GLT1D1: variants seen among roughly 807,000 people sequenced by gnomAD.
The protein encoded by GLT1D1 is glycosyltransferase 1 domain containing 1.
Under a neutral mutation model 28.7 loss-of-function variants are expected in GLT1D1, and 21 were observed. The ratio of observed to expected loss-of-function variants is 0.73; its 90% CI spans 0.52 to 1.05. GLT1D1 has a LOEUF of 1.05. Ranked by LOEUF, GLT1D1 falls within the 50% of genes least tolerant of loss-of-function variation. The pLI is 0.00. For missense variants in GLT1D1, 343 were observed against 330.6 expected, an observed-to-expected ratio of 1.04 and a Z score of -0.29; for synonymous variants, 147 against 124.8, an observed-to-expected ratio of 1.18 and a Z score of -1.19.
intron 4 of GLT1D1, 77 bp downstream of exon 5, chr12:128,912,537 T>C: frequency 1.6e-6 from 1 of 615,104 alleles, no homozygotes; most frequent in South Asian, 2.7e-5. Context: ...CATATTTATA[T>C]GTGATAAATA....
At chr12:128,959,960 C>T (rs983233369) in intron 7 of GLT1D1, among the ~76,000 whole-genome samples, 5 of 152,158 alleles carry the variant, frequency 3.3e-5, no homozygotes, top group African/African-American at 7.2e-5. Flanking sequence ...ATCTATTAGG[C>T]TGAACAAAAG....
chr12:128,876,197 G>T lies in GLT1D1; in HGVS notation c.217+135G>T. On this transcript the variant is annotated intron_variant, in intron 2 of 7. Coordinates refer to ENST00000281703, the MANE Select transcript of GLT1D1 (RefSeq NM_144669.3). ...ATGGGAGACATGCAATAATCTCTTTGGTTTGCTTTCTTAATGCACAATTTT... is the reference window on the plus strand; with the variant it reads ...ATGGGAGACATGCAATAATCTCTTTTGTTTGCTTTCTTAATGCACAATTTT... 6.6e-6 allele frequency: 5 copies of T among 760,610 alleles called. No homozygotes were observed. In the South Asian group the frequency reaches 9.3e-5, roughly 14 times the overall value. The allele number at this position is 760,610 out of a possible 1,614,324, so 47.1% of individuals were successfully genotyped here.
At chr12:128,912,065 G>A (rs1191169944) in intron 4 of GLT1D1, among the ~76,000 whole-genome samples, 3 of 152,140 alleles carry the variant, frequency 2.0e-5, no homozygotes, top group Non-Finnish European at 2.9e-5. Flanking sequence ...CCACGCAGGG[G>A]CGGGAGCTGC....
At chr12:128,889,877 C>T (rs749907914) in intron 3 of GLT1D1, among the ~76,000 whole-genome samples, 7 of 152,212 alleles carry the variant, frequency 4.6e-5, no homozygotes, top group Non-Finnish European at 8.8e-5. Context: ...CGGGTTCAGG[C>T]GATTCTTGTG....
At chr12:128,947,661 A>G (rs1565905207) in intron 6 of GLT1D1, among the ~76,000 whole-genome samples, 2 of 152,136 alleles carry the variant, frequency 1.3e-5, no homozygotes, top group African/African-American at 4.8e-5. Flanking sequence ...TCTCATTGCT[A>G]TCTCTCCTAG....
chr12:128,853,669 G>A lies in GLT1D1; in HGVS notation c.68+20G>A. Reference sequence around the variant, plus strand: ...CGTTCGGTAGGTGCAGGGCGCCGGGGCCTACGAAGCCTGGGCCGGGGGCCG... The same window carrying A: ...CGTTCGGTAGGTGCAGGGCGCCGGGACCTACGAAGCCTGGGCCGGGGGCCG... On this transcript the variant is annotated intron_variant, in intron 1 of 7. Coordinates refer to ENST00000281703, the MANE Select transcript of GLT1D1 (RefSeq NM_144669.3). The A allele has an allele frequency of 2.7e-6, 3 of 1,093,000 alleles. No individual in the cohort carries two copies. The highest frequency in any genetic ancestry group is 3.8e-5 in the South Asian group (1 of 26,536). The allele number at this position is 1,093,000 out of a possible 1,614,324, so 67.7% of individuals were successfully genotyped here.
chr12:128,899,515 G>T (rs1052376995), intron 4 of GLT1D1, among the ~76,000 whole-genome samples: 2 of 150,254 alleles, frequency 1.3e-5, no homozygotes, highest in African/African-American at 4.9e-5. Context: ...GCCCAGTAAT[G>T]GTTGTATGTT....
chr12:128,921,523 A>T (rs772881069), intron 4 of GLT1D1, among the ~76,000 whole-genome samples: 3 of 151,694 alleles, frequency 2.0e-5, no homozygotes, highest in Non-Finnish European at 4.4e-5. Context: ...GTGTGTATTT[A>T]TATATCTCGT....
rs374628572 is a variant in GLT1D1, at chr12:128,983,025, T to C, written c.736T>C (p.Trp246Arg). Residue 246 changes from tryptophan (W) to arginine (R), a missense_variant, in exon 8 of 8, where the codon TGG (tryptophan) becomes CGG (arginine). Physicochemically the swap from Trp to Arg is moderately radical, Grantham distance 101. Transcript: ENST00000281703. The surrounding 1 kb of genome is among the most constrained non-coding windows in gnomAD (Gnocchi z 4.7). ...GGAATACGTGAGAATGTATCATTCATGGCAGGTGGAAAGAGACACCTACCA... is the reference window on the plus strand; with the variant it reads ...GGAATACGTGAGAATGTATCATTCACGGCAGGTGGAAAGAGACACCTACCA... 10 of 1,614,138 alleles carry C rather than the reference T, an allele frequency of 6.2e-6. No homozygotes were observed. Among genetic ancestry groups the C allele is most frequent in the Non-Finnish European group, 3.4e-6 (4 of 1,179,974 alleles).
At chr12:128,931,014 T>TAAAA (rs371650413) in intron 4 of GLT1D1, among the ~76,000 whole-genome samples, 1 of 147,364 alleles carries the variant, frequency 6.8e-6, no homozygotes, top group African/African-American at 2.5e-5. Flanking sequence ...TTTTTTTTTT[T>TAAAA]AAAATGAGAC....
At chr12:128,945,681 G>A (rs1875972441) in intron 5 of GLT1D1, among the ~76,000 whole-genome samples, 1 of 152,220 alleles carries the variant, frequency 6.6e-6, no homozygotes, top group Non-Finnish European at 1.5e-5. Flanking sequence ...AGGGCAATTT[G>A]TTGGTGTGTT....
chr12:128,881,551 AAAAAAAAAAAATATATATAT>A (rs1957050003), intron 2 of GLT1D1, among the ~76,000 whole-genome samples: 3 of 68,992 alleles, frequency 4.3e-5, no homozygotes, highest in East Asian at 4.3e-4. Flanking sequence ...AAAAAAAAAA[AAAAAAAAAAAATATATATAT>A]ATATATATAT....
At chr12:128,921,891 G>A (rs1872690643) in intron 4 of GLT1D1, among the ~76,000 whole-genome samples, 1 of 150,532 alleles carries the variant, frequency 6.6e-6, no homozygotes, top group Non-Finnish European at 1.5e-5. Context: ...TGCCATCTTT[G>A]TAGATTGTTT....
rs114184347 is a variant in GLT1D1, at chr12:128,944,470, C to T, written c.376-856C>T. 3.5e-3 allele frequency: 4,556 copies of T among 1,319,230 alleles called. 121 individuals carry two copies. The African/African-American group carries it at 0.058, about 17-fold the overall frequency. 81.7% of individuals were successfully genotyped at this position (1,319,230 alleles called of 1,614,324 possible). A position where few individuals can be genotyped will look rare whatever the true frequency, so the allele number is the denominator to read the frequency against. ...AACCATCTCTGGTTTATCATCCTCA[C>T]GCTGAATGAGCGGCTCCCCTGTCAG... On this transcript the variant is annotated intron_variant, in intron 4 of 7. Coordinates refer to ENST00000281703, the MANE Select transcript of GLT1D1 (RefSeq NM_144669.3).
chr12:128,860,566 G>A (rs1956334094), intron 1 of GLT1D1, among the ~76,000 whole-genome samples: 1 of 152,196 alleles, frequency 6.6e-6, no homozygotes, highest in Non-Finnish European at 1.5e-5. Flanking sequence ...CAGCCCTTGA[G>A]GGGTTGCCAG....
chr12:128,923,400 C>T (rs920632981), intron 4 of GLT1D1, among the ~76,000 whole-genome samples: 9 of 152,054 alleles, frequency 5.9e-5, no homozygotes, highest in African/African-American at 2.2e-4. Flanking sequence ...GGATGCACCA[C>T]CTGCTCCCAT....
In GLT1D1 at chr12:128,982,611, G is replaced by A. The variant is rs1880429151; in HGVS notation, c.640-318G>A. On this transcript the variant is annotated intron_variant, in intron 7 of 7. Coordinates refer to ENST00000281703, the MANE Select transcript of GLT1D1 (RefSeq NM_144669.3). ...AGTCCTTGGGAAGACAGCTGGTCTT[G>A]TTGATTGAGGGAAGGGAGTTGATGG... Among the ~76,000 whole-genome samples, 3 of 152,196 alleles carry A rather than the reference G, an allele frequency of 2.0e-5. No individual in the cohort carries two copies. In the South Asian group the frequency reaches 6.2e-4, roughly 32 times the overall value.
chr12:128,860,538 G>C (rs1217555586), intron 1 of GLT1D1, among the ~76,000 whole-genome samples: 1 of 152,204 alleles, frequency 6.6e-6, no homozygotes, highest in African/African-American at 2.4e-5. Flanking sequence ...AGAAGTCAGG[G>C]AGCCCTCACC....
At chr12:128,899,705 A>C (rs1463097077) in intron 4 of GLT1D1, among the ~76,000 whole-genome samples, 1 of 152,002 alleles carries the variant, frequency 6.6e-6, no homozygotes, top group Admixed American at 6.6e-5. Context: ...GCACACCACC[A>C]TACCCAGCTA....
Sources: gnomAD v4.1 joint callset for allele counts (sites outside exome capture counted in the v4.1 genomes callset) on GRCh38, gnomAD v4.1.1 for gene constraint, Gnocchi (gnomAD v3.1) non-coding constraint, MANE v1.5 for transcripts, NCBI Gene and HGNC (gene_info 2026-07-23, HGNC 2026-07-21) for gene names.